Variants in HGFAC observed in about 807,000 individuals in gnomAD.
HGFAC encodes hepatocyte growth factor activator serine protease.
In HGFAC, 76 loss-of-function variants were observed where a neutral mutation model predicts 70.6. That is an observed-to-expected ratio of 1.08 (90% confidence interval 0.89 to 1.30). The LOEUF is 1.30. Ranked by LOEUF, HGFAC falls within the 50% of genes most tolerant of loss-of-function variation. The pLI, the probability that HGFAC is intolerant of heterozygous loss-of-function variation, is 0.00. For synonymous variants in HGFAC, 464 were observed against 405.3 expected, an observed-to-expected ratio of 1.14 and a Z score of -1.74; for missense variants, 1,044 against 933.7, an observed-to-expected ratio of 1.12 and a Z score of -1.54.
In HGFAC at chr4:3,444,168, T is replaced by C. The variant is rs1332742873; in HGVS notation, c.598+7T>C. ...GGCAAGGACTGCGGCACAGGTGAGC[T>C]GGGCCTCGGAGGTCCGCAGGGGTCC... On this transcript the variant is annotated splice_region_variant and intron_variant, in intron 5 of 13. Transcript: ENST00000382774. 59 of 1,600,560 alleles carry C rather than the reference T, an allele frequency of 3.7e-5. No individual in the cohort carries two copies. Among genetic ancestry groups the C allele is most frequent in the Non-Finnish European group, 4.7e-5 (55 of 1,174,614 alleles).
In HGFAC at chr4:3,444,155, G is replaced by A. The variant is rs199726049; in HGVS notation, c.592G>A (p.Gly198Ser). 26 of 1,607,616 alleles carry A rather than the reference G, an allele frequency of 1.6e-5. No homozygotes were observed. The highest frequency in any genetic ancestry group is 1.7e-4 in the Middle Eastern group (1 of 6,010). ...CPRAFTGKDC[G>S]TEKCFDETRY... The stretch of plus-strand genomic sequence containing the variant: ...CCGGGCCTTCACCGGCAAGGACTGC[G>A]GCACAGGTGAGCTGGGCCTCGGAGG... Residue 198 changes from glycine to serine, a missense_variant, in exon 5 of 14, where the codon GGC becomes AGC. By Grantham distance (56) the Gly-to-Ser change is moderately conservative (BLOSUM62 0). Coordinates refer to ENST00000382774, the MANE Select transcript of HGFAC (RefSeq NM_001528.4).
intron 9 of HGFAC, 155 bp from the exon 10 acceptor site, chr4:3,445,887 G>A (rs1725490025): frequency 6.5e-7 from 1 of 1,547,632 alleles, no homozygotes; most frequent in Non-Finnish European, 8.7e-7. Context: ...TTTGGAAACT[G>A]AGGGCAGAGG....
Position 3,443,108 on chromosome 4 carries a change from G to A in HGFAC, c.357G>A (p.Leu119=). 6.3e-7 allele frequency: 1 copy of A among 1,593,134 alleles called. No individual in the cohort carries two copies. Among genetic ancestry groups the A allele is most frequent in the Non-Finnish European group, 8.5e-7 (1 of 1,175,160 alleles). ...RFPFRYGGRM[L]HACTSEGSAH... is the part of the protein sequence containing the mutation. ...CCTTCCGCTACGGGGGCCGCATGCT[G>A]CATGCCTGCACTTCGGAGGGCAGTG... Residue 119 remains leucine (L), a synonymous_variant, in exon 3 of 14, where the codon CTG becomes CTA. Transcript: ENST00000382774.
At chr4:3,444,782 C>T (rs1369410194) in intron 7 of HGFAC, 37 bp from the exon 8 acceptor site, 1 of 1,577,290 alleles carries the variant, frequency 6.3e-7, no homozygotes, top group Non-Finnish European at 8.6e-7. Flanking sequence ...CCGGGTGGAC[C>T]CACCGTGGGC....
chr4:3,445,406 C>T, intron 9 of HGFAC, 56 bp downstream of exon 9: 1 of 1,230,386 alleles, frequency 8.1e-7, no homozygotes, highest in South Asian at 1.3e-5. Context: ...CAGCAGTTTT[C>T]CCCGTGATCC....
chr4:3,443,484 G>A, intron 4 of HGFAC, 64 bp downstream of exon 4: 1 of 1,038,194 alleles, frequency 9.6e-7, no homozygotes, highest in Non-Finnish European at 1.3e-6. Context: ...GAAGGGCCAA[G>A]GGGAGGATGG....
In HGFAC at chr4:3,447,936, C is replaced by G. The variant is rs565681719; in HGVS notation, c.1537C>G (p.Arg513Gly). 9 of 1,608,082 alleles carry G rather than the reference C, an allele frequency of 5.6e-6. No homozygotes were observed. The East Asian group carries it at 1.6e-4, about 28-fold the overall frequency. Residue 513 changes from arginine (R) to glycine (G), a missense_variant, in exon 12 of 14, where the codon CGC becomes GGC. Physicochemically the swap from Arg to Gly is moderately radical, Grantham distance 125 (BLOSUM62 -2). Coordinates refer to ENST00000382774, the MANE Select transcript of HGFAC (RefSeq NM_001528.4). ...LKKKGDRCAT[R>G]SQFVQPICLP... ...GAAGAAAGGGGACCGCTGTGCCACA[C>G]GCTCGCAGTTCGTGCAGCCCATCTG...
intron 3 of HGFAC, 36 bp downstream of exon 3, chr4:3,443,182 C>A: frequency 7.1e-7 from 1 of 1,413,012 alleles, no homozygotes; most frequent in South Asian, 1.4e-5. Context: ...GAGCTGGGGT[C>A]ACCTGCCCCA....
At position 3,448,210 on chromosome 4, in the gene HGFAC, C is replaced by T. The variant is rs117299759; in HGVS notation, c.1719C>T (p.Tyr573=). 3.5e-4 allele frequency: 566 copies of T among 1,607,210 alleles called. 3 individuals carry two copies. The East Asian group carries it at 7.5e-3, about 21-fold the overall frequency. ...ACAAGTGCAGCAGCCCTGAGGTCTA[C>T]GGCGCCGACATCAGCCCCAACATGC... The part of the protein sequence containing the change: ...ADHKCSSPEV[Y]GADISPNMLC... Residue 573 remains tyrosine (Y), a synonymous_variant, in exon 13 of 14, where the codon TAC becomes TAT. Coordinates refer to ENST00000382774, the MANE Select transcript of HGFAC (RefSeq NM_001528.4).
chr4:3,445,593 C>G (rs1348302438), intron 9 of HGFAC: 4 of 604,232 alleles, frequency 6.6e-6, no homozygotes, highest in Middle Eastern at 4.4e-4. Flanking sequence ...ACCTGCCCAG[C>G]CTGGACCATG....
intron 9 of HGFAC, 57 bp downstream of exon 9, chr4:3,445,407 C>T (rs1475507631): frequency 8.1e-7 from 1 of 1,232,104 alleles, no homozygotes; most frequent in African/African-American, 1.5e-5. Context: ...AGCAGTTTTC[C>T]CCGTGATCCT....
chr4:3,446,059 C>T lies in HGFAC; in HGVS notation c.1120C>T (p.Gln374Ter). The part of the protein sequence containing the change: ...LEACESLTRV[Q>*]LSPDLLATLP... ...GCTCCCAGAATCCCTCACCAGAGTCCAACTGTCACCGGATCTCCTGGCGAC... is the reference window on the plus strand; with the variant it reads ...GCTCCCAGAATCCCTCACCAGAGTCTAACTGTCACCGGATCTCCTGGCGAC... The change falls in exon 10 of 14, where the codon CAA (glutamine) becomes TAA (stop). Residue 374 changes from glutamine (Q) to a stop codon, truncating the protein, a stop_gained. Coordinates refer to ENST00000382774, the MANE Select transcript of HGFAC (RefSeq NM_001528.4). LOFTEE classifies it high-confidence loss of function. 6.2e-7 allele frequency: 1 copy of T among 1,609,150 alleles called. No individual in the cohort carries two copies. Among genetic ancestry groups the T allele is most frequent in the South Asian group, 1.1e-5 (1 of 90,312 alleles).
rs191426211 is a variant in HGFAC at position 3,445,389 on chromosome 4, G to A, written c.1102+39G>A. 5.8e-4 allele frequency: 825 copies of A among 1,422,410 alleles called. 6 individuals are homozygous for A. The African/African-American group carries it at 0.011, about 18-fold the overall frequency. The allele number at this position is 1,422,410 out of a possible 1,614,324, so 88.1% of individuals were successfully genotyped here. A position where few individuals can be genotyped will look rare whatever the true frequency, so the allele number is the denominator to read the frequency against. ...GGGGGGTGCTGCCTTGGGCCCCACC[G>A]AGGTCACAGCAGTTTTCCCCGTGAT... On this transcript the variant is annotated intron_variant, in intron 9 of 13. Coordinates refer to ENST00000382774, the MANE Select transcript of HGFAC (RefSeq NM_001528.4).
At chr4:3,442,464 C>T (rs1725348069) in intron 1 of HGFAC, among the ~76,000 whole-genome samples, 1 of 152,182 alleles carries the variant, frequency 6.6e-6, no homozygotes, top group South Asian at 2.1e-4. Flanking sequence ...CTGCTCCCAT[C>T]ACCAAAAACT....
chr4:3,447,285 G>A (rs1213163997), intron 10 of HGFAC, among the ~76,000 whole-genome samples: 2 of 152,194 alleles, frequency 1.3e-5, no homozygotes, highest in East Asian at 3.9e-4. Context: ...CCCATGCCTG[G>A]ATCTGGGGGT....
chr4:3,447,459 T>C (rs1725548768), intron 10 of HGFAC, 33 bp from the exon 11 acceptor site: 1 of 1,609,952 alleles, frequency 6.2e-7, no homozygotes, highest in Admixed American at 1.7e-5. Flanking sequence ...GGGGGAGGGC[T>C]GGTCCATGCA....
chr4:3,441,966 C>A (rs1328335590), upstream of HGFAC: 2 of 1,263,422 alleles, frequency 1.6e-6, no homozygotes, highest in Non-Finnish European at 2.1e-6. This position sits in a 1 kb window ranked among gnomAD's most constrained non-coding sequence, Gnocchi z 6.0. Context: ...CGCTCTGCTC[C>A]CGCCTCCCAC....
In HGFAC at chr4:3,448,169, C is replaced by T. The variant is rs1725591988; in HGVS notation, c.1678C>T (p.Pro560Ser). 1.9e-6 allele frequency: 3 copies of T among 1,600,578 alleles called. No homozygotes were observed. Among genetic ancestry groups the T allele is most frequent in the Non-Finnish European group, 2.6e-6 (3 of 1,175,000 alleles). Residue 560 changes from proline (P) to serine (S), a missense_variant, in exon 13 of 14, where the codon CCC becomes TCC. Pro to Ser is a moderately conservative substitution (Grantham distance 74). Coordinates refer to ENST00000382774, the MANE Select transcript of HGFAC (RefSeq NM_001528.4). ...YSSSLREALV[P>S]LVADHKCSSP... ...CAGCTCCCTGCGGGAGGCCCTGGTC[C>T]CCCTGGTCGCCGACCACAAGTGCAG...
At position 3,444,953 on chromosome 4, in the gene HGFAC, G is replaced by A. The variant is rs375562342; in HGVS notation, c.976G>A (p.Ala326Thr). 545 of 1,606,262 alleles carry A rather than the reference G, an allele frequency of 3.4e-4. No homozygotes were observed. The highest frequency in any genetic ancestry group is 4.3e-4 in the Non-Finnish European group (505 of 1,177,508). Residue 326 changes from alanine to threonine, a missense_variant, in exon 8 of 14, where the codon GCC becomes ACC. Ala to Thr is a moderately conservative substitution (Grantham distance 58, BLOSUM62 0). Coordinates refer to ENST00000382774, the MANE Select transcript of HGFAC (RefSeq NM_001528.4). ...YQELHVDSVGAAALLGLGPHA... is the reference protein window; with the variant it reads ...YQELHVDSVGTAALLGLGPHA... ...GGAGCTGCACGTGGACTCCGTGGGC[G>A]CCGCGGCCCTGCTGGGCCTGGGCCC...
Sources: allele counts gnomAD v4.1 joint callset (sites outside exome capture counted in the v4.1 genomes callset), GRCh38; gene constraint gnomAD v4.1.1; non-coding constraint Gnocchi (gnomAD v3.1); transcripts MANE v1.5; gene names NCBI Gene and HGNC (gene_info 2026-07-23, HGNC 2026-07-21).